ASIC2: variants seen among roughly 807,000 people sequenced by gnomAD.
ASIC2 encodes the protein acid-sensing ion channel 2.
In ASIC2, 25 loss-of-function variants were observed where a neutral mutation model predicts 57.3. The ratio of observed to expected loss-of-function variants is 0.44; its 90% CI spans 0.32 to 0.61. The LOEUF is 0.61. Ranked by LOEUF, ASIC2 falls within the 20% of genes least tolerant of loss-of-function variation. The pLI is 0.06. For missense variants in ASIC2, 641 were observed against 738.1 expected (o/e 0.87, Z 1.52); for synonymous variants, 319 against 307.5 (o/e 1.04, Z -0.39).
chr17:34,046,063 T>C (rs568697665), intron 1 of ASIC2, among the ~76,000 whole-genome samples: 8 of 152,260 alleles, frequency 5.3e-5, no homozygotes, highest in African/African-American at 1.9e-4. Flanking sequence ...GAGATGCCTT[T>C]TTAGTTTCCC....
At chr17:33,525,661 G>A (rs1442352379) in intron 1 of ASIC2, among the ~76,000 whole-genome samples, 2 of 152,164 alleles carry the variant, frequency 1.3e-5, no homozygotes, top group African/African-American at 2.4e-5. Flanking sequence ...TTACCTAGAC[G>A]GACTGACCAG....
rs182602859 is a variant in ASIC2 at position 34,131,517 on chromosome 17, G to A, written c.555+24461C>T. Among the ~76,000 whole-genome samples the A allele has an allele frequency of 1.2e-3, 185 of 152,252 alleles. 2 individuals are homozygous for A. The highest frequency in any genetic ancestry group is 4.2e-3 in the African/African-American group (173 of 41,542). On this transcript the variant is annotated intron_variant, in intron 1 of 9. Transcript: ENST00000359872. ...CCAGCTCAGCCACAGAGGCTCCAGG[G>A]CTGAGCTGTCACCCTCCAGGACCTG...
At chr17:33,054,225 C>A (rs1209448629) in intron 3 of ASIC2, among the ~76,000 whole-genome samples, 4 of 152,170 alleles carry the variant, frequency 2.6e-5, no homozygotes, top group Non-Finnish European at 2.9e-5. Flanking sequence ...ACATGCCCAT[C>A]TCCTGCCAGC....
At chr17:33,087,189 T>C (rs2092137576) in intron 3 of ASIC2, among the ~76,000 whole-genome samples, 1 of 152,190 alleles carries the variant, frequency 6.6e-6, no homozygotes, top group African/African-American at 2.4e-5. Context: ...TACTGGATAA[T>C]CCTTGTTCTC....
In ASIC2 at chr17:33,464,292, C is replaced by T. The variant is rs994339448; in HGVS notation, c.556-352225G>A. 9.2e-5 allele frequency among the ~76,000 whole-genome samples: 14 copies of T among 152,138 alleles called. 1 individual carries two copies. Among genetic ancestry groups the T allele is most frequent in the Admixed American group, 9.2e-4 (14 of 15,264 alleles). ...AAGCCTCTCACTAGTCCCAGGCTCC[C>T]TTGGTTGGAGGGAGTGTGCAGGGAT... On this transcript the variant is annotated intron_variant, in intron 1 of 9. Coordinates refer to the ASIC2 transcript ENST00000359872.
intron 2 of ASIC2, among the ~76,000 whole-genome samples, chr17:33,111,212 C>G (rs1034809859): frequency 3.8e-4 from 58 of 152,332 alleles, no homozygotes; most frequent in African/African-American, 1.4e-3. Flanking sequence ...CTCAAATACC[C>G]TTGGTGCTTT....
intron 1 of ASIC2, among the ~76,000 whole-genome samples, chr17:33,456,799 T>G (rs1912467042): frequency 6.6e-6 from 1 of 152,188 alleles, no homozygotes; most frequent in Non-Finnish European, 1.5e-5. Flanking sequence ...AAACGTCCTT[T>G]CAAAGCCCAG....
chr17:33,313,060 T>C (rs1906497956), intron 1 of ASIC2, among the ~76,000 whole-genome samples: 1 of 152,138 alleles, frequency 6.6e-6, no homozygotes, highest in East Asian at 1.9e-4. Flanking sequence ...ATAATCCTAG[T>C]ACTTTGGGAG....
At chr17:33,528,904 G>T (rs1019366047) in intron 1 of ASIC2, among the ~76,000 whole-genome samples, 1 of 152,196 alleles carries the variant, frequency 6.6e-6, no homozygotes, top group Non-Finnish European at 1.5e-5. Context: ...ATAGCCCTGG[G>T]GATGTCTCTT....
intron 1 of ASIC2, among the ~76,000 whole-genome samples, chr17:33,758,005 A>G (rs961488918): frequency 4.6e-5 from 7 of 152,222 alleles, no homozygotes; most frequent in African/African-American, 1.7e-4. Flanking sequence ...CTTGAGAACA[A>G]TTGATTTCTG....
rs186387763 is a variant in ASIC2 at position 33,351,089 on chromosome 17, G to A, written c.556-239022C>T. 3.9e-5 allele frequency among the ~76,000 whole-genome samples: 6 copies of A among 152,296 alleles called. No individual in the cohort carries two copies. The East Asian group carries it at 1.2e-3, about 29-fold the overall frequency. On this transcript the variant is annotated intron_variant, in intron 1 of 9. Transcript: ENST00000359872. ...GCCTTTGGTGTCAGAAAGCCCTTGA[G>A]TTGCTTATCAAATATGTGACTTGAC...
chr17:34,034,199 G>A (rs1450521629), intron 1 of ASIC2, among the ~76,000 whole-genome samples: 1 of 152,148 alleles, frequency 6.6e-6, no homozygotes, highest in Non-Finnish European at 1.5e-5. Context: ...ATGCAAGGCT[G>A]GTTCAACATA....
intron 1 of ASIC2, among the ~76,000 whole-genome samples, chr17:33,900,843 A>T (rs910411020): frequency 3.9e-5 from 6 of 152,166 alleles, no homozygotes; most frequent in African/African-American, 1.4e-4. Flanking sequence ...GGAGGATGCA[A>T]ATTTCCACCT....
At chr17:33,836,665 C>A (rs1913282953) in intron 1 of ASIC2, among the ~76,000 whole-genome samples, 1 of 151,916 alleles carries the variant, frequency 6.6e-6, no homozygotes, top group Non-Finnish European at 1.5e-5. Context: ...CCAACTTGAC[C>A]AACATGGTGA....
intron 1 of ASIC2, among the ~76,000 whole-genome samples, chr17:33,200,804 C>T (rs1597626928): frequency 6.6e-6 from 1 of 152,204 alleles, no homozygotes; most frequent in South Asian, 2.1e-4. Flanking sequence ...CCTCTGCTCA[C>T]AATCCTCCAA....
intron 1 of ASIC2, among the ~76,000 whole-genome samples, chr17:33,112,541 C>A (rs1235992444): frequency 6.6e-6 from 1 of 152,152 alleles, no homozygotes; most frequent in Non-Finnish European, 1.5e-5. Context: ...GCTTCCCCAC[C>A]CCATTGGACA....
intron 1 of ASIC2, among the ~76,000 whole-genome samples, chr17:33,869,651 A>G (rs1358163025): frequency 1.3e-5 from 2 of 152,254 alleles, no homozygotes; most frequent in African/African-American, 4.8e-5. Context: ...AAGACCACAT[A>G]TGTTATGATT....
chr17:33,579,286 C>CAAAAAAA lies in ASIC2; in HGVS notation c.556-467226_556-467220dup, dbSNP rs71362894. Among the ~76,000 whole-genome samples the CAAAAAAA allele has an allele frequency of 3.3e-3, 339 of 103,608 alleles. 4 individuals are homozygous for CAAAAAAA. Among genetic ancestry groups the CAAAAAAA allele is most frequent in the African/African-American group, 0.012 (305 of 26,480 alleles). 68.0% of individuals were successfully genotyped at this position (103,608 alleles called of 152,430 possible). On this transcript the variant is annotated intron_variant, in intron 1 of 9. Transcript: ENST00000359872. Reference sequence around the variant, plus strand: ...GGGTAGCACGAATGAAACTGTGTCTCAAAAAAAAAAAAAAAAAATGCAGGT... The same window carrying CAAAAAAA: ...GGGTAGCACGAATGAAACTGTGTCTCAAAAAAAAAAAAAAAAAAAAAAAAATGCAGGT...
intron 1 of ASIC2, chr17:33,572,152 G>A (rs1414781214): frequency 6.6e-6 from 1 of 152,192 alleles, no homozygotes; most frequent in African/African-American, 2.4e-5. Context: ...ATTTTGGCTG[G>A]AGGCCACTTG....
Sources: allele counts gnomAD v4.1 joint callset (sites outside exome capture counted in the v4.1 genomes callset), GRCh38; gene constraint gnomAD v4.1.1; transcripts MANE v1.5; gene names NCBI Gene and HGNC (gene_info 2026-07-23, HGNC 2026-07-21).